Variants in KLF8 observed in about 807,000 individuals in gnomAD.
KLF8 encodes KLF transcription factor 8.
In KLF8, 10 loss-of-function variants were observed where a neutral mutation model predicts 18.2. The observed-to-expected ratio is 0.55, with a 90% confidence interval of 0.34 to 0.93. The LOEUF (loss-of-function observed/expected upper bound fraction) is 0.93, where lower values mean the gene tolerates loss of function less well. Among genes scored for constraint, KLF8 ranks in the 40% least tolerant of loss-of-function variants. The pLI is 0.02. For synonymous variants in KLF8, 109 were observed against 97.3 expected, an observed-to-expected ratio of 1.12 and a Z score of -0.71; for missense variants, 264 against 277.9, an observed-to-expected ratio of 0.95 and a Z score of 0.36.
chrX:55,998,516 C>T, the KLF8 span, among the ~76,000 whole-genome samples: 2 of 112,573 alleles, frequency 1.8e-5, no homozygotes, highest in Admixed American at 9.4e-5. Context: ...TGCCTTCAAG[C>T]ATCTGTTTAA....
chrX:56,195,966 C>T, the KLF8 span, among the ~76,000 whole-genome samples: 3 of 111,656 alleles, frequency 2.7e-5, no homozygotes, highest in Non-Finnish European at 3.8e-5. Context: ...CCCAGAATTA[C>T]ATATCCAGGC....
chrX:56,262,653 A>AATTATTATT (rs746011852), intron 2 of KLF8, among the ~76,000 whole-genome samples: 293 of 110,235 alleles, frequency 2.7e-3, no homozygotes, highest in African/African-American at 9.1e-3. Context: ...TATTACAGTG[A>AATTATTATT]ATTATTATTA....
chrX:56,141,811 G>A, the KLF8 span, among the ~76,000 whole-genome samples: 1 of 111,822 alleles, frequency 8.9e-6, no homozygotes, highest in Middle Eastern at 4.6e-3. Flanking sequence ...CTACCACCTG[G>A]TGATGATACA....
chrX:55,925,512 T>G, the KLF8 span, among the ~76,000 whole-genome samples: 1 of 111,123 alleles, frequency 9.0e-6, no homozygotes, highest in East Asian at 2.8e-4. Context: ...TGCCAAGCAC[T>G]AGGGTAAGGG....
chrX:56,093,445 A>C, the KLF8 span, among the ~76,000 whole-genome samples: 12 of 111,186 alleles, frequency 1.1e-4, no homozygotes, highest in East Asian at 8.4e-4. Flanking sequence ...ACCTAGAATT[A>C]TGTATGTAAC....
chrX:56,003,629 C>T, the KLF8 span, among the ~76,000 whole-genome samples: 1 of 111,247 alleles, frequency 9.0e-6, no homozygotes, highest in East Asian at 2.8e-4. Flanking sequence ...AATACAGTTG[C>T]ATGGCAATGT....
At chrX:56,268,912 G>A in intron 3 of KLF8, 2 of 949,786 alleles carry the variant, frequency 2.1e-6, no homozygotes, top group South Asian at 2.2e-5. Flanking sequence ...TTTCTGTTTA[G>A]GAGCACAAAG....
At chrX:56,166,531 A>G in the KLF8 span, among the ~76,000 whole-genome samples, 1 of 112,384 alleles carries the variant, frequency 8.9e-6, no homozygotes, top group African/African-American at 3.2e-5. Flanking sequence ...TAGATACATT[A>G]AGAACCACTC....
At chrX:56,036,621 C>A in the KLF8 span, among the ~76,000 whole-genome samples, 54 of 112,196 alleles carry the variant, frequency 4.8e-4, no homozygotes, top group East Asian at 5.6e-4. Flanking sequence ...GTGCTTCCTG[C>A]AGCCTTGTTC....
At chrX:56,040,119 T>C in the KLF8 span, among the ~76,000 whole-genome samples, 1 of 111,465 alleles carries the variant, frequency 9.0e-6, no homozygotes, top group Admixed American at 9.6e-5. Flanking sequence ...CTTAAGAAGC[T>C]TTTGGGCTGA....
At chrX:56,203,905 C>CT in the KLF8 span, among the ~76,000 whole-genome samples, 17 of 108,942 alleles carry the variant, frequency 1.6e-4, no homozygotes, top group Admixed American at 5.9e-4. Context: ...GTCTATTCAG[C>CT]TTTTTTTTTA....
the KLF8 span, among the ~76,000 whole-genome samples, chrX:56,061,131 A>AT: frequency 3.6e-5 from 4 of 111,381 alleles, no homozygotes; most frequent in South Asian, 3.8e-4. Context: ...GGATTCATTG[A>AT]TTTTTTGAAG....
chrX:56,091,947 T>C, the KLF8 span, among the ~76,000 whole-genome samples: 12 of 110,023 alleles, frequency 1.1e-4, no homozygotes, highest in Admixed American at 1.2e-3. Flanking sequence ...TATAAGTATT[T>C]CCTTTTCTCC....
At chrX:55,939,554 C>CA in the KLF8 span, among the ~76,000 whole-genome samples, 1 of 111,293 alleles carries the variant, frequency 9.0e-6, no homozygotes. Context: ...AATAGAGACA[C>CA]AAAAAACCCT....
At chrX:56,003,802 A>C in the KLF8 span, among the ~76,000 whole-genome samples, 2 of 112,084 alleles carry the variant, frequency 1.8e-5, no homozygotes, top group Non-Finnish European at 3.8e-5. Flanking sequence ...TTTGCTTATC[A>C]TGGGCTTCTA....
chrX:56,254,812 G>T lies in KLF8; in HGVS notation c.81+4508G>T, dbSNP rs575620183. ...ACGTTTAGCTGCTTCTCCTCTTTCT[G>T]CCAGCTGAGCCTGGGTTTTTATGGG... On this transcript the variant is annotated intron_variant, in intron 2 of 5. Transcript: ENST00000468660. Among the ~76,000 whole-genome samples, 10 of 111,390 alleles carry T rather than the reference G, an allele frequency of 9.0e-5. No individual in the cohort carries two copies. In the South Asian group the frequency reaches 1.9e-3, roughly 21 times the overall value.
At chrX:56,024,682 G>A in the KLF8 span, among the ~76,000 whole-genome samples, 19 of 111,658 alleles carry the variant, frequency 1.7e-4, no homozygotes, top group African/African-American at 5.9e-4. Context: ...TGCATGCACC[G>A]GTAATCAGAG....
chrX:55,945,466 A>G, the KLF8 span, among the ~76,000 whole-genome samples: 1 of 110,725 alleles, frequency 9.0e-6, no homozygotes, highest in Non-Finnish European at 1.9e-5. Flanking sequence ...GTGGTAGTCT[A>G]AGTCTCTTTG....
chrX:55,959,562 A>G, the KLF8 span, among the ~76,000 whole-genome samples: 1 of 112,147 alleles, frequency 8.9e-6, no homozygotes, highest in Non-Finnish European at 1.9e-5. Flanking sequence ...AGAACCAAAC[A>G]ATTTTAGGAA....
Sources: gnomAD v4.1 joint callset for allele counts (sites outside exome capture counted in the v4.1 genomes callset) on GRCh38, gnomAD v4.1.1 for gene constraint, MANE v1.5 for transcripts, NCBI Gene and HGNC (gene_info 2026-07-23, HGNC 2026-07-21) for gene names.